The following PITHD1 variants were observed in gnomAD, a reference collection of about 807,000 sequenced individuals.
PITHD1 encodes PITH domain containing 1.
A neutral mutation model predicts 27.5 loss-of-function variants in PITHD1; 8 were observed. The observed-to-expected ratio is 0.29, with a 90% confidence interval of 0.17 to 0.52. The LOEUF is 0.52. Among genes scored for constraint, PITHD1 ranks in the 20% least tolerant of loss-of-function variants. PITHD1 has a pLI of 0.96. For missense variants in PITHD1, 233 were observed against 283.9 expected, an observed-to-expected ratio of 0.82 and a Z score of 1.29; for synonymous variants, 118 against 106.8, an observed-to-expected ratio of 1.10 and a Z score of -0.64.
At position 23,785,895 on chromosome 1, in the gene PITHD1, T is replaced by C. The variant is rs947391993; in HGVS notation, c.425+116T>C. The C allele has an allele frequency of 1.3e-5, 8 of 626,784 alleles. No homozygotes were observed. In the Middle Eastern group the frequency reaches 7.7e-4, roughly 60 times the overall value. 38.8% of individuals were successfully genotyped at this position (626,784 alleles called of 1,614,324 possible). A position where few individuals can be genotyped will look rare whatever the true frequency, so the allele number is the denominator to read the frequency against. ...AATGAGTTAAAACAGTGGAGGAGACTTGATCTTTGGCTTGGTCAGTTTTTG... is the reference window on the plus strand; with the variant it reads ...AATGAGTTAAAACAGTGGAGGAGACCTGATCTTTGGCTTGGTCAGTTTTTG... On this transcript the variant is annotated intron_variant, in intron 4 of 5. Transcript: ENST00000246151.
intron 3 of PITHD1, among the ~76,000 whole-genome samples, chr1:23,782,347 A>G (rs1055415602): frequency 4.4e-4 from 67 of 151,838 alleles, no homozygotes; most frequent in Admixed American, 7.9e-4. Context: ...TGAACCCGGG[A>G]GGCGGAGGTT....
intron 3 of PITHD1, among the ~76,000 whole-genome samples, chr1:23,782,940 G>C (rs1638623756): frequency 6.6e-6 from 1 of 151,892 alleles, no homozygotes; most frequent in Non-Finnish European, 1.5e-5. Context: ...TGTTAATTTT[G>C]TTATCTGTTG....
chr1:23,778,741 G>T, intron 1 of PITHD1, 28 bp downstream of exon 1: 1 of 1,236,384 alleles, frequency 8.1e-7, no homozygotes, highest in South Asian at 2.9e-5. Flanking sequence ...TGGGGCGGGC[G>T]GGGCAGGGTG....
intron 3 of PITHD1, among the ~76,000 whole-genome samples, chr1:23,782,112 A>G (rs1378199114): frequency 1.3e-5 from 2 of 152,194 alleles, no homozygotes; most frequent in Non-Finnish European, 2.9e-5. Flanking sequence ...ATGAGGTGTT[A>G]CATGTTACTA....
intron 3 of PITHD1, among the ~76,000 whole-genome samples, chr1:23,783,089 T>C (rs560945225): frequency 6.6e-6 from 1 of 151,748 alleles, no homozygotes; most frequent in Non-Finnish European, 1.5e-5. Flanking sequence ...CTCCGCCTCC[T>C]GGGTTCACGC....
chr1:23,778,418 A>T lies in PITHD1; in HGVS notation c.-98A>T. ...ACGACGCGGCAGGCGCGGCGCGCTT[A>T]GTTGCCGGAGCTGAACGGCGCGGAG... is the stretch of plus-strand genomic sequence containing the variant. On this transcript the variant is annotated 5_prime_UTR_variant, in exon 1 of 6. Transcript: ENST00000246151. 5.0e-6 allele frequency: 3 copies of T among 601,180 alleles called. No individual in the cohort carries two copies. The highest frequency in any genetic ancestry group is 4.2e-6 in the Non-Finnish European group (2 of 477,582). 37.2% of individuals were successfully genotyped at this position (601,180 alleles called of 1,614,324 possible).
chr1:23,779,950 C>T lies in PITHD1; in HGVS notation c.320+9C>T. On this transcript the variant is annotated intron_variant, in intron 3 of 5. Transcript: ENST00000246151. ...CCCTCTGAGATGAGACTGTAAGTGGCAAAGGCTTAGGCCCTCAAAGGAGCT... is the reference window on the plus strand; with the variant it reads ...CCCTCTGAGATGAGACTGTAAGTGGTAAAGGCTTAGGCCCTCAAAGGAGCT... The T allele has an allele frequency of 6.3e-7, 1 of 1,583,340 alleles. No homozygotes were observed. The highest frequency in any genetic ancestry group is 1.7e-5 in the Admixed American group (1 of 59,974).
chr1:23,779,776 A>C, intron 2 of PITHD1, 88 bp from the exon 3 acceptor site: 1 of 942,448 alleles, frequency 1.1e-6, no homozygotes, highest in Non-Finnish European at 1.8e-6. Flanking sequence ...ACTGAAGCCC[A>C]TACAGGGGAA....
intron 3 of PITHD1, among the ~76,000 whole-genome samples, chr1:23,781,313 A>AT (rs2148399785): frequency 6.6e-6 from 1 of 152,262 alleles, no homozygotes; most frequent in East Asian, 1.9e-4. Context: ...AAATACAAAA[A>AT]TTAGCTGGGT....
At position 23,785,792 on chromosome 1, in the gene PITHD1, C is replaced by T. The variant is rs760440263; in HGVS notation, c.425+13C>T. The T allele has an allele frequency of 1.3e-5, 18 of 1,423,630 alleles. No homozygotes were observed. Among genetic ancestry groups the T allele is most frequent in the African/African-American group, 4.2e-5 (3 of 71,154 alleles). 88.2% of individuals were successfully genotyped at this position (1,423,630 alleles called of 1,614,324 possible). A position where few individuals can be genotyped will look rare whatever the true frequency, so the allele number is the denominator to read the frequency against. ...AGTATGCTACAAAGTAAGCACTGGG[C>T]CTGTCTTCCATTCTCTATGGCTTCT... On this transcript the variant is annotated intron_variant, in intron 4 of 5. Coordinates refer to ENST00000246151, the MANE Select transcript of PITHD1 (RefSeq NM_020362.5).
chr1:23,780,314 T>C (rs905948154), intron 3 of PITHD1, among the ~76,000 whole-genome samples: 2 of 152,130 alleles, frequency 1.3e-5, no homozygotes, highest in African/African-American at 4.8e-5. Flanking sequence ...CCTTGCTATT[T>C]CATACAGTAA....
chr1:23,778,420 T>C lies in PITHD1; in HGVS notation c.-96T>C, dbSNP rs56743324. The C allele has an allele frequency of 9.4e-3, 6,941 of 741,154 alleles. 313 individuals are homozygous for C. In the African/African-American group the frequency reaches 0.11, roughly 12 times the overall value. The allele number at this position is 741,154 out of a possible 1,614,324, so 45.9% of individuals were successfully genotyped here. ...GACGCGGCAGGCGCGGCGCGCTTAG[T>C]TGCCGGAGCTGAACGGCGCGGAGCT... On this transcript the variant is annotated 5_prime_UTR_variant, in exon 1 of 6. Coordinates refer to ENST00000246151, the MANE Select transcript of PITHD1 (RefSeq NM_020362.5).
At chr1:23,784,669 A>T (rs1638657872) in intron 3 of PITHD1, among the ~76,000 whole-genome samples, 1 of 152,088 alleles carries the variant, frequency 6.6e-6, no homozygotes. Flanking sequence ...GGTTATAGAG[A>T]CAGCTGCTTT....
chr1:23,779,351 T>C (rs1031769773), intron 1 of PITHD1, 87 bp from the exon 2 acceptor site: 5 of 996,286 alleles, frequency 5.0e-6, no homozygotes, highest in Non-Finnish European at 8.0e-6. Flanking sequence ...TGCACCCCAG[T>C]TGTAGAGCAG....
At position 23,787,310 on chromosome 1, in the gene PITHD1, A is replaced by C; in HGVS notation, c.570A>C (p.Glu190Asp). ...ACGAGGTGACCATCTGCAATTACGA[A>C]GCATCTGCCAACCCAGCAGACCATA... Reference protein sequence around the residue: ...RRHEVTICNYEASANPADHRV... With the variant: ...RRHEVTICNYDASANPADHRV... The change falls in exon 6 of 6, where the codon GAA (glutamate) becomes GAC (aspartate). Residue 190 changes from glutamate (E) to aspartate (D), a missense_variant. Transcript: ENST00000246151. The C allele has an allele frequency of 6.2e-7, 1 of 1,613,856 alleles. No individual in the cohort carries two copies. Among genetic ancestry groups the C allele is most frequent in the Non-Finnish European group, 8.5e-7 (1 of 1,179,800 alleles).
intron 3 of PITHD1, among the ~76,000 whole-genome samples, chr1:23,781,462 C>CAAAA (rs34492133): frequency 7.9e-6 from 1 of 126,346 alleles, no homozygotes. Flanking sequence ...GACTCTGTCT[C>CAAAA]AAAAAAAAAA....
At chr1:23,781,282 G>A (rs1369067671) in intron 3 of PITHD1, among the ~76,000 whole-genome samples, 1 of 152,050 alleles carries the variant, frequency 6.6e-6, no homozygotes. Context: ...GGTCAACATG[G>A]CGAAACCCTG....
chr1:23,780,523 A>G (rs988676308), intron 3 of PITHD1, among the ~76,000 whole-genome samples: 1 of 152,200 alleles, frequency 6.6e-6, no homozygotes, highest in Non-Finnish European at 1.5e-5. Flanking sequence ...AGAAACATAT[A>G]AGAAGAACTT....
Position 23,787,333 on chromosome 1 carries a change from A to G in PITHD1, c.593A>G (p.His198Arg). Residue 198 changes from histidine (H) to arginine (R), a missense_variant, in exon 6 of 6, where the codon CAT becomes CGT. Physicochemically the swap from His to Arg is conservative, Grantham distance 29. Transcript: ENST00000246151. ...NYEASANPAD[H>R]RVHQVTPQTH... Reference sequence around the variant, plus strand: ...GAAGCATCTGCCAACCCAGCAGACCATAGGGTCCATCAGGTTACCCCACAG... The same window carrying G: ...GAAGCATCTGCCAACCCAGCAGACCGTAGGGTCCATCAGGTTACCCCACAG... 1.2e-6 allele frequency: 2 copies of G among 1,613,128 alleles called. No individual in the cohort carries two copies. Among genetic ancestry groups the G allele is most frequent in the Non-Finnish European group, 1.7e-6 (2 of 1,179,158 alleles).
Sources: allele counts gnomAD v4.1 joint callset (sites outside exome capture counted in the v4.1 genomes callset), GRCh38; gene constraint gnomAD v4.1.1; transcripts MANE v1.5; gene names NCBI Gene and HGNC (gene_info 2026-07-23, HGNC 2026-07-21).